Variants in DDX60 observed in about 807,000 individuals in gnomAD.
DDX60 encodes DExD/H-box helicase 60.
In DDX60, 165 loss-of-function variants were observed where a neutral mutation model predicts 212.8. The ratio of observed to expected loss-of-function variants is 0.78; its 90% CI spans 0.68 to 0.88. The LOEUF is 0.88. DDX60 is among the 40% of genes least tolerant of loss of function. The pLI, the probability that DDX60 is intolerant of heterozygous loss-of-function variation, is 0.00. For missense variants in DDX60, 1,905 were observed against 2,003.9 expected (o/e 0.95, Z 0.94); for synonymous variants, 703 against 685.3 (o/e 1.03, Z -0.40).
chr4:168,285,420 A>C lies in DDX60; in HGVS notation c.1418T>G (p.Ile473Ser). ...SFVVDKFAGDILKDLPFLKSD... is the reference protein window; with the variant it reads ...SFVVDKFAGDSLKDLPFLKSD... ...CTTTAGAAAAGGCAAATCTTTCAAAATATCTCCAGCAAATTTATCAACCAC... is the reference window on the plus strand; with the variant it reads ...CTTTAGAAAAGGCAAATCTTTCAAACTATCTCCAGCAAATTTATCAACCAC... Residue 473 changes from isoleucine (I) to serine (S), a missense_variant, in exon 11 of 38, where the codon ATT (isoleucine) becomes AGT (serine). Physicochemically the swap from Ile to Ser is moderately radical, Grantham distance 142. Coordinates refer to ENST00000393743, the MANE Select transcript of DDX60 (RefSeq NM_017631.6). The C allele has an allele frequency of 6.2e-7, 1 of 1,611,256 alleles. No individual in the cohort carries two copies. Among genetic ancestry groups the C allele is most frequent in the Non-Finnish European group, 8.5e-7 (1 of 1,179,148 alleles).
chr4:168,263,880 A>G (rs906834955), intron 22 of DDX60, among the ~76,000 whole-genome samples: 1 of 152,246 alleles, frequency 6.6e-6, no homozygotes, highest in Admixed American at 6.5e-5. Context: ...AAAAGAAAAA[A>G]GAGAGAGAAA....
chr4:168,262,225 T>G, intron 23 of DDX60, 97 bp from the exon 24 acceptor site: 2 of 1,367,432 alleles, frequency 1.5e-6, no homozygotes, highest in Non-Finnish European at 1.9e-6. Context: ...ACAAGTTTCT[T>G]GAGCACAGAG....
Position 168,287,047 on chromosome 4 carries a change from C to G in DDX60, c.1339+1G>C. 6.3e-7 allele frequency: 1 copy of G among 1,597,530 alleles called. No homozygotes were observed. The highest frequency in any genetic ancestry group is 8.5e-7 in the Non-Finnish European group (1 of 1,174,852). On this transcript the variant is annotated splice_donor_variant, in intron 10 of 37. Transcript: ENST00000393743. LOFTEE classifies it high-confidence loss of function. ...TTCAGATTAATTTAGAAATTTATTA[C>G]CTTTGATTGGTGATGGTTTCTTTTC...
At chr4:168,232,630 G>A (rs927415810) in intron 33 of DDX60, among the ~76,000 whole-genome samples, 3 of 151,798 alleles carry the variant, frequency 2.0e-5, no homozygotes, top group East Asian at 1.9e-4. Context: ...TATTCAACAC[G>A]TGGTGCTGGG....
intron 6 of DDX60, among the ~76,000 whole-genome samples, chr4:168,297,194 C>T (rs1249846405): frequency 6.6e-6 from 1 of 151,434 alleles, no homozygotes; most frequent in East Asian, 1.9e-4. Context: ...CAGGCATAAG[C>T]CACCACGCCC....
chr4:168,223,030 T>C (rs1430278715), intron 35 of DDX60, among the ~76,000 whole-genome samples: 2 of 152,130 alleles, frequency 1.3e-5, no homozygotes, highest in Non-Finnish European at 2.9e-5. Context: ...GCAGTAACTA[T>C]TCCTTCACTT....
In DDX60 at chr4:168,260,856, A is replaced by G; in HGVS notation, c.3398+9T>C. The G allele has an allele frequency of 6.3e-7, 1 of 1,596,414 alleles. No homozygotes were observed. Among genetic ancestry groups the G allele is most frequent in the Non-Finnish European group, 8.6e-7 (1 of 1,169,190 alleles). On this transcript the variant is annotated intron_variant, in intron 25 of 37. Coordinates refer to ENST00000393743, the MANE Select transcript of DDX60 (RefSeq NM_017631.6). ...TACAAGCAAAACCAAATTAAATTAA[A>G]TAACTTACAAAAAAAATAGTGCAGG...
chr4:168,280,651 A>C, intron 13 of DDX60, 61 bp from the exon 14 acceptor site: 4 of 1,520,796 alleles, frequency 2.6e-6, no homozygotes, highest in Non-Finnish European at 3.5e-6. Context: ...ATAACAGGTC[A>C]TGAGTGAGAC....
intron 17 of DDX60, 106 bp from the exon 18 acceptor site, chr4:168,273,504 GCTTA>G (rs1735192485): frequency 5.8e-6 from 8 of 1,381,102 alleles, no homozygotes; most frequent in Non-Finnish European, 8.0e-6. Flanking sequence ...AGTGCAGAAA[GCTTA>G]CTAACCCCTT....
intron 7 of DDX60, 127 bp from the exon 8 acceptor site, chr4:168,292,033 C>CTT (rs1326554966): frequency 7.4e-6 from 3 of 406,508 alleles, no homozygotes; most frequent in Non-Finnish European, 1.2e-5. Context: ...TCCTTTCTTT[C>CTT]TTTCTTTCTT....
chr4:168,289,448 T>C (rs1280718678), intron 8 of DDX60, among the ~76,000 whole-genome samples: 1 of 152,192 alleles, frequency 6.6e-6, no homozygotes, highest in East Asian at 1.9e-4. Context: ...GTGTTTAATA[T>C]TGGAATATTT....
At chr4:168,248,148 T>C (rs1188977433) in intron 29 of DDX60, 40 bp downstream of exon 29, 2 of 1,392,204 alleles carry the variant, frequency 1.4e-6, no homozygotes, top group Non-Finnish European at 1.0e-6. Flanking sequence ...ATGGCCATAT[T>C]TCAGCAATAC....
At position 168,262,678 on chromosome 4, in the gene DDX60, T is replaced by G. The variant is rs373537757; in HGVS notation, c.3144+5A>C. 1.8e-5 allele frequency: 28 copies of G among 1,580,628 alleles called. No individual in the cohort carries two copies. In the African/African-American group the frequency reaches 3.6e-4, roughly 21 times the overall value. On this transcript the variant is annotated splice_donor_5th_base_variant and intron_variant, in intron 23 of 37. Coordinates refer to ENST00000393743, the MANE Select transcript of DDX60 (RefSeq NM_017631.6). ...AATAGGATTAATTACATCATTATTA[T>G]TTACCTGGGCCCGAGGCCAACTTTT... is the stretch of plus-strand genomic sequence containing the variant.
chr4:168,273,691 A>C (rs1445897639), intron 17 of DDX60, among the ~76,000 whole-genome samples: 1 of 152,158 alleles, frequency 6.6e-6, no homozygotes, highest in Admixed American at 6.5e-5. Flanking sequence ...TGTGTCTCCT[A>C]TATTTGGTGA....
chr4:168,284,961 T>G lies in DDX60; in HGVS notation c.1446-26A>C. ...CTGTGAGACAAAAAAAGGCATATTT[T>G]AAATTGCACACTTCCAAATATAACA... On this transcript the variant is annotated intron_variant, in intron 11 of 37. Coordinates refer to ENST00000393743, the MANE Select transcript of DDX60 (RefSeq NM_017631.6). 4 of 1,125,228 alleles carry G rather than the reference T, an allele frequency of 3.6e-6. No individual in the cohort carries two copies. The South Asian group carries it at 5.8e-5, about 16-fold the overall frequency. The allele number at this position is 1,125,228 out of a possible 1,614,324, so 69.7% of individuals were successfully genotyped here.
At chr4:168,287,010 T>C (rs1448101167) in intron 10 of DDX60, 38 bp downstream of exon 10, 11 of 1,524,714 alleles carry the variant, frequency 7.2e-6, no homozygotes, top group East Asian at 2.3e-5. Flanking sequence ...TTCAGAGGAA[T>C]AATGCTTTCA....
At chr4:168,286,400 A>ACACACACACACACG (rs1192616295) in intron 10 of DDX60, among the ~76,000 whole-genome samples, 1 of 125,422 alleles carries the variant, frequency 8.0e-6, no homozygotes, top group Non-Finnish European at 1.6e-5. Flanking sequence ...ACACACACAC[A>ACACACACACACACG]CACACACACA....
chr4:168,221,102 C>T (rs899230747), intron 36 of DDX60, among the ~76,000 whole-genome samples: 2 of 152,104 alleles, frequency 1.3e-5, no homozygotes, highest in African/African-American at 4.8e-5. Context: ...CAGTGCTCAA[C>T]ATCTTTGAAG....
intron 19 of DDX60, among the ~76,000 whole-genome samples, chr4:168,271,183 A>G (rs1342319365): frequency 1.3e-5 from 2 of 151,974 alleles, no homozygotes; most frequent in Non-Finnish European, 2.9e-5. Flanking sequence ...TGACCAATAA[A>G]TATTCCAAAT....
Sources: allele counts gnomAD v4.1 joint callset (sites outside exome capture counted in the v4.1 genomes callset), GRCh38; gene constraint gnomAD v4.1.1; transcripts MANE v1.5; gene names NCBI Gene and HGNC (gene_info 2026-07-23, HGNC 2026-07-21).